The following GNA14 variants were observed in gnomAD, a reference collection of about 807,000 sequenced individuals.
GNA14 encodes the protein G protein subunit alpha 14, also known as guanine nucleotide-binding protein subunit alpha-14.
A neutral mutation model predicts 42.0 loss-of-function variants in GNA14; 50 were observed. The ratio of observed to expected loss-of-function variants is 1.19; its 90% CI spans 0.95 to 1.51. The LOEUF is 1.51. Ranked by LOEUF, GNA14 falls within the 40% of genes most tolerant of loss-of-function variation. GNA14 has a pLI of 0.00. For missense variants in GNA14, 473 were observed against 446.2 expected, an observed-to-expected ratio of 1.06 and a Z score of -0.54; for synonymous variants, 173 against 163.1, an observed-to-expected ratio of 1.06 and a Z score of -0.46.
chr9:77,444,191 G>A (rs974757079), intron 2 of GNA14, among the ~76,000 whole-genome samples: 7 of 152,192 alleles, frequency 4.6e-5, no homozygotes, highest in African/African-American at 1.7e-4. Flanking sequence ...GCTGGCCACA[G>A]AAGAAATGGA....
intron 5 of GNA14, among the ~76,000 whole-genome samples, chr9:77,426,467 G>A (rs903293732): frequency 6.6e-6 from 1 of 152,012 alleles, no homozygotes; most frequent in African/African-American, 2.4e-5. Flanking sequence ...ACCACACCCG[G>A]CTAATTTTTT....
At chr9:77,605,198 C>T (rs1471461162) in intron 1 of GNA14, among the ~76,000 whole-genome samples, 1 of 152,170 alleles carries the variant, frequency 6.6e-6, no homozygotes, top group Non-Finnish European at 1.5e-5. Context: ...CTTTATTGTC[C>T]ACACATTTGT....
intron 1 of GNA14, among the ~76,000 whole-genome samples, chr9:77,568,842 G>A (rs1156238239): frequency 2.0e-5 from 3 of 152,168 alleles, no homozygotes; most frequent in African/African-American, 7.2e-5. Flanking sequence ...CCCTTCAGCT[G>A]GTCTTGTGGA....
At chr9:77,589,639 C>T (rs1823359386) in intron 1 of GNA14, among the ~76,000 whole-genome samples, 1 of 152,098 alleles carries the variant, frequency 6.6e-6, no homozygotes, top group African/African-American at 2.4e-5. Flanking sequence ...TTTCCTCCAC[C>T]CTCGGGCTAT....
chr9:77,587,020 CT>C (rs1823316320), intron 1 of GNA14, among the ~76,000 whole-genome samples: 3 of 147,388 alleles, frequency 2.0e-5, no homozygotes, highest in African/African-American at 7.5e-5. Context: ...TTGGGGGCTG[CT>C]TTTTATTAAA....
At chr9:77,646,990 G>A (rs1292247963) in intron 1 of GNA14, among the ~76,000 whole-genome samples, 1 of 152,204 alleles carries the variant, frequency 6.6e-6, no homozygotes, top group Non-Finnish European at 1.5e-5. Flanking sequence ...GGCAAGGGAG[G>A]TTTGGGTCCG....
chr9:77,583,218 A>G (rs2117863909), intron 1 of GNA14, among the ~76,000 whole-genome samples: 1 of 152,346 alleles, frequency 6.6e-6, no homozygotes, highest in African/African-American at 2.4e-5. Context: ...AATGCAAGCC[A>G]GACATTAAAG....
chr9:77,646,167 GC>G (rs1824348575), intron 1 of GNA14, among the ~76,000 whole-genome samples: 2 of 152,242 alleles, frequency 1.3e-5, no homozygotes, highest in South Asian at 4.1e-4. Flanking sequence ...TCCTAGGGGG[GC>G]CTCTTGGGCA....
chr9:77,598,975 C>T (rs887435019), intron 1 of GNA14, among the ~76,000 whole-genome samples: 2 of 152,130 alleles, frequency 1.3e-5, no homozygotes, highest in African/African-American at 4.8e-5. Flanking sequence ...ACAAGAACAC[C>T]ACTGCCTCTG....
intron 2 of GNA14, among the ~76,000 whole-genome samples, chr9:77,459,235 CA>C (rs67035726): frequency 0.16 from 20,666 of 126,194 alleles, 1,574 homozygotes; most frequent in Non-Finnish European, 0.2. Context: ...GACCCAGTCT[CA>C]GGGAAAAAAA....
chr9:77,553,324 T>C (rs188834610), intron 1 of GNA14, among the ~76,000 whole-genome samples: 2 of 152,250 alleles, frequency 1.3e-5, no homozygotes, highest in East Asian at 1.9e-4. Context: ...ACACTACACC[T>C]ACCATCTTCA....
At chr9:77,635,035 T>C (rs1313578812) in intron 1 of GNA14, among the ~76,000 whole-genome samples, 1 of 152,178 alleles carries the variant, frequency 6.6e-6, no homozygotes, top group East Asian at 1.9e-4. Context: ...TTTATTTCAA[T>C]AGGTTTTTTT....
intron 1 of GNA14, among the ~76,000 whole-genome samples, chr9:77,611,034 G>A (rs957016739): frequency 6.6e-6 from 1 of 152,124 alleles, no homozygotes. Context: ...AAGTAAGTAG[G>A]TAAGGACACA....
At chr9:77,458,328 C>G (rs1836043152) in intron 2 of GNA14, among the ~76,000 whole-genome samples, 1 of 152,148 alleles carries the variant, frequency 6.6e-6, no homozygotes. Flanking sequence ...GAACTCTTTG[C>G]AGCCTGGGGA....
intron 1 of GNA14, among the ~76,000 whole-genome samples, chr9:77,644,891 G>C (rs1039747630): frequency 6.6e-6 from 1 of 152,148 alleles, no homozygotes; most frequent in African/African-American, 2.4e-5. Context: ...ACTCACCAAT[G>C]TTCTTATCAG....
chr9:77,591,608 T>C (rs919448453), intron 1 of GNA14, among the ~76,000 whole-genome samples: 6 of 152,204 alleles, frequency 3.9e-5, no homozygotes, highest in Non-Finnish European at 8.8e-5. Flanking sequence ...GTGAGAAGCA[T>C]AGTTTATGGA....
chr9:77,447,196 G>A (rs543808469), intron 2 of GNA14, among the ~76,000 whole-genome samples: 7 of 152,208 alleles, frequency 4.6e-5, no homozygotes, highest in South Asian at 2.1e-4. Context: ...CGCTGACCTC[G>A]TCCTCTCAAA....
In GNA14 at chr9:77,595,140, C is replaced by T. The variant is rs192789783; in HGVS notation, c.124+52530G>A. 5.3e-5 allele frequency among the ~76,000 whole-genome samples: 8 copies of T among 152,312 alleles called. No individual in the cohort carries two copies. The East Asian group carries it at 1.5e-3, about 29-fold the overall frequency. ...TCTCAAGCTCATCTTAGACTATTTG[C>T]TGCTGTTGCCACATCTTTTATATTT... On this transcript the variant is annotated intron_variant, in intron 1 of 6. Transcript: ENST00000341700.
chr9:77,538,467 A>T (rs1837622785), intron 1 of GNA14, among the ~76,000 whole-genome samples: 1 of 152,026 alleles, frequency 6.6e-6, no homozygotes, highest in Admixed American at 6.6e-5. Flanking sequence ...ATGCCGTGAA[A>T]TATGATGTTG....
Sources: gnomAD v4.1 joint callset for allele counts (sites outside exome capture counted in the v4.1 genomes callset) on GRCh38, gnomAD v4.1.1 for gene constraint, MANE v1.5 for transcripts, NCBI Gene and HGNC (gene_info 2026-07-23, HGNC 2026-07-21) for gene names.